Variants in MOB3B observed in about 807,000 individuals in gnomAD.
The protein encoded by MOB3B is MOB kinase activator 3B, also known as MOB kinase activator-like 2B.
MOB3B carries 7 observed loss-of-function variants against 18.7 expected under a neutral mutation model. The observed-to-expected ratio is 0.37, with a 90% CI of 0.21 to 0.70. The LOEUF (loss-of-function observed/expected upper bound fraction) is 0.70. Ranked by LOEUF, MOB3B falls within the 30% of genes least tolerant of loss-of-function variation. The pLI is 0.52. For missense variants in MOB3B, 253 were observed against 281.3 expected, an observed-to-expected ratio of 0.90 and a Z score of 0.72; for synonymous variants, 111 against 99.9, an observed-to-expected ratio of 1.11 and a Z score of -0.66.
intron 1 of MOB3B, chr9:27,524,300 T>C: frequency 6.3e-7 from 1 of 1,590,126 alleles, no homozygotes; most frequent in Non-Finnish European, 8.6e-7. Context: ...ATCATTGTCA[T>C]ATACACATCT....
At chr9:27,357,121 AATATATATATATAT>A in intron 3 of MOB3B, among the ~76,000 whole-genome samples, 1 of 62,918 alleles carries the variant, frequency 1.6e-5, no homozygotes, top group East Asian at 7.7e-4. Context: ...GAGTAATGCA[AATATATATATATAT>A]ATATATATAT....
At chr9:27,335,206 G>A (rs577889145) in intron 3 of MOB3B, among the ~76,000 whole-genome samples, 18 of 152,272 alleles carry the variant, frequency 1.2e-4, no homozygotes, top group African/African-American at 4.3e-4. Flanking sequence ...GTTAACTCTA[G>A]GAATTATGAA....
chr9:27,518,959 A>G (rs1333062809), intron 1 of MOB3B, among the ~76,000 whole-genome samples: 5 of 152,216 alleles, frequency 3.3e-5, no homozygotes, highest in Non-Finnish European at 1.5e-5. Context: ...TGAATCAACC[A>G]AGAAATACAA....
chr9:27,348,199 A>C (rs1821056473), intron 3 of MOB3B, among the ~76,000 whole-genome samples: 1 of 152,186 alleles, frequency 6.6e-6, no homozygotes, highest in African/African-American at 2.4e-5. Context: ...CACTTTGGAG[A>C]GGTAGCAGAC....
At chr9:27,335,466 G>C (rs1467574371) in intron 3 of MOB3B, among the ~76,000 whole-genome samples, 4 of 152,260 alleles carry the variant, frequency 2.6e-5, no homozygotes, top group Non-Finnish European at 5.9e-5. Context: ...TCTTAGAGCT[G>C]GCTTGATGTG....
chr9:27,445,331 AG>A (rs74556528), intron 2 of MOB3B, among the ~76,000 whole-genome samples: 44,028 of 151,984 alleles, frequency 0.29, 6,711 homozygotes, highest in East Asian at 0.54. Flanking sequence ...AGAGAAGTTC[AG>A]GGTTTGCCAA....
chr9:27,528,775 C>A (rs1820480839), intron 1 of MOB3B, among the ~76,000 whole-genome samples: 1 of 145,442 alleles, frequency 6.9e-6, no homozygotes, highest in Admixed American at 6.8e-5. Context: ...CAGGAAAGAG[C>A]GCGAGGGGGG....
At chr9:27,445,924 T>C (rs1160950936) in intron 2 of MOB3B, among the ~76,000 whole-genome samples, 1 of 152,190 alleles carries the variant, frequency 6.6e-6, no homozygotes, top group Non-Finnish European at 1.5e-5. Context: ...CCCTTAATTC[T>C]TCGCTGCTCT....
chr9:27,415,092 C>T (rs1178840409), intron 2 of MOB3B, among the ~76,000 whole-genome samples: 1 of 151,934 alleles, frequency 6.6e-6, no homozygotes, highest in African/African-American at 2.4e-5. Flanking sequence ...AAACTCCTGA[C>T]CTCAGGTGAT....
At chr9:27,370,091 G>C (rs183042270) in intron 2 of MOB3B, among the ~76,000 whole-genome samples, 23 of 152,250 alleles carry the variant, frequency 1.5e-4, no homozygotes, top group African/African-American at 5.1e-4. Flanking sequence ...GAATGCTTAT[G>C]CCCCCCTCAA....
intron 1 of MOB3B, among the ~76,000 whole-genome samples, chr9:27,469,594 G>T (rs997304319): frequency 2.0e-5 from 3 of 152,150 alleles, no homozygotes; most frequent in African/African-American, 7.2e-5. Flanking sequence ...ATTCAATAGA[G>T]CCTCTTAATT....
chr9:27,407,444 A>G (rs574939207), intron 2 of MOB3B, among the ~76,000 whole-genome samples: 17 of 152,282 alleles, frequency 1.1e-4, no homozygotes, highest in South Asian at 4.1e-4. Context: ...AAGTGTGGAG[A>G]AAATCTTTCA....
Position 27,483,797 on chromosome 9 carries a change from A to G in MOB3B, c.-198-28049T>C, listed in dbSNP as rs151130063. ...GTCCCATGTACAGCAGGAGGGTGCAAAGAGAGCTGGTATTAATAGGATGTG... is the reference window on the plus strand; with the variant it reads ...GTCCCATGTACAGCAGGAGGGTGCAGAGAGAGCTGGTATTAATAGGATGTG... On this transcript the variant is annotated intron_variant, in intron 1 of 3. Coordinates refer to ENST00000262244, the MANE Select transcript of MOB3B (RefSeq NM_024761.5). Among the ~76,000 whole-genome samples, 602 of 152,272 alleles carry G rather than the reference A, an allele frequency of 4.0e-3. 3 individuals carry two copies. Among genetic ancestry groups the G allele is most frequent in the African/African-American group, 0.014 (575 of 41,564 alleles).
At chr9:27,372,605 T>A (rs1178354101) in intron 2 of MOB3B, among the ~76,000 whole-genome samples, 1 of 152,198 alleles carries the variant, frequency 6.6e-6, no homozygotes. Flanking sequence ...ATACGATAAG[T>A]CGCTTCACTT....
intron 2 of MOB3B, among the ~76,000 whole-genome samples, chr9:27,437,282 G>A (rs1822523836): frequency 6.6e-6 from 1 of 152,082 alleles, no homozygotes; most frequent in Non-Finnish European, 1.5e-5. Context: ...TGCCCTTCTT[G>A]GCATTAAGAC....
At chr9:27,460,688 G>A (rs183264382) in intron 1 of MOB3B, among the ~76,000 whole-genome samples, 4,348 of 152,248 alleles carry the variant, frequency 0.029, 139 homozygotes, top group African/African-American at 0.079. Context: ...TTATCTGTGA[G>A]GTGGAGGACT....
chr9:27,465,474 T>C (rs1368893225), intron 1 of MOB3B, among the ~76,000 whole-genome samples: 1 of 152,136 alleles, frequency 6.6e-6, no homozygotes, highest in East Asian at 1.9e-4. Flanking sequence ...CTTTTCCAGG[T>C]GCACAGTGCA....
intron 2 of MOB3B, among the ~76,000 whole-genome samples, chr9:27,394,810 T>C (rs901885442): frequency 6.6e-6 from 1 of 152,186 alleles, no homozygotes. Flanking sequence ...TTAATAAAAA[T>C]TAGTAAAACA....
chr9:27,500,722 G>T (rs1436400644), intron 1 of MOB3B, among the ~76,000 whole-genome samples: 1 of 152,044 alleles, frequency 6.6e-6, no homozygotes, highest in Non-Finnish European at 1.5e-5. Flanking sequence ...CAAAAGCAAT[G>T]GCAACAAAAA....
Sources: allele counts gnomAD v4.1 joint callset (sites outside exome capture counted in the v4.1 genomes callset), GRCh38; gene constraint gnomAD v4.1.1; transcripts MANE v1.5; gene names NCBI Gene and HGNC (gene_info 2026-07-23, HGNC 2026-07-21).